SERINC5: variants seen among roughly 807,000 people sequenced by gnomAD.
SERINC5 encodes the protein chromosome 5 open reading frame 12.
In SERINC5, 41 loss-of-function variants were observed where a neutral mutation model predicts 63.1. The ratio of observed to expected loss-of-function variants is 0.65; its 90% CI spans 0.51 to 0.84. The LOEUF (loss-of-function observed/expected upper bound fraction) is 0.84, where lower values mean the gene tolerates loss of function less well. Among genes scored for constraint, SERINC5 ranks in the 40% least tolerant of loss-of-function variants. The probability of loss-of-function intolerance (pLI) is 0.00; values close to 1 mark genes in which losing one functional copy is unlikely to be tolerated. For missense variants in SERINC5, 523 were observed against 573.0 expected, an observed-to-expected ratio of 0.91 and a Z score of 0.89; for synonymous variants, 222 against 215.2, an observed-to-expected ratio of 1.03 and a Z score of -0.28.
At chr5:80,149,234 C>A (rs1291137391) in intron 9 of SERINC5, among the ~76,000 whole-genome samples, 1 of 152,200 alleles carries the variant, frequency 6.6e-6, no homozygotes, top group Non-Finnish European at 1.5e-5. Flanking sequence ...GAAACCATAA[C>A]CATGCAACCT....
At chr5:80,120,750 G>C (rs910529033) in intron 11 of SERINC5, among the ~76,000 whole-genome samples, 1 of 152,106 alleles carries the variant, frequency 6.6e-6, no homozygotes, top group African/African-American at 2.4e-5. Context: ...AGGAGGCAGA[G>C]GTTGCGTGAG....
rs189315942 is a variant in SERINC5, at chr5:80,166,079, C to A, written c.859+304G>T. The stretch of plus-strand genomic sequence containing the variant: ...ATCTAAAATGGGGTACCCATCCCCT[C>A]ATGCACTGATCTTTTGTGTTATACA... On this transcript the variant is annotated intron_variant, in intron 7 of 11. Coordinates refer to ENST00000507668, the MANE Select transcript of SERINC5 (RefSeq NM_001174072.3). Among the ~76,000 whole-genome samples the A allele has an allele frequency of 1.9e-3, 285 of 152,320 alleles. 1 individual carries two copies. The highest frequency in any genetic ancestry group is 3.0e-3 in the Non-Finnish European group (207 of 68,026).
intron 1 of SERINC5, among the ~76,000 whole-genome samples, chr5:80,205,421 C>A (rs1239713090): frequency 6.6e-6 from 1 of 152,204 alleles, no homozygotes; most frequent in Non-Finnish European, 1.5e-5. Context: ...TGTACAAGCA[C>A]CCAGGGTGCT....
At chr5:80,227,606 CA>C (rs74441331) in intron 1 of SERINC5, among the ~76,000 whole-genome samples, 73 of 102,622 alleles carry the variant, frequency 7.1e-4, no homozygotes, top group Admixed American at 8.7e-4. Flanking sequence ...ACTAAAAATA[CA>C]AAAAAAAAAA....
rs2112281790 is a variant in SERINC5, at chr5:80,140,331, A to C, written c.*3332T>G. The C allele has an allele frequency of 1.2e-6, 1 of 834,930 alleles. No homozygotes were observed. Among genetic ancestry groups the C allele is most frequent in the Non-Finnish European group, 1.4e-6 (1 of 702,910 alleles). 51.7% of individuals were successfully genotyped at this position (834,930 alleles called of 1,614,324 possible). A position where few individuals can be genotyped will look rare whatever the true frequency, so the allele number is the denominator to read the frequency against. On this transcript the variant is annotated 3_prime_UTR_variant, in exon 12 of 12. Coordinates refer to ENST00000507668, the MANE Select transcript of SERINC5 (RefSeq NM_001174072.3). Reference sequence around the variant, plus strand: ...AAAAAAAAAAAAAAAAAAAAAAAAAAAGGCTTAGGGTGACAATTTTGACAT... The same window carrying C: ...AAAAAAAAAAAAAAAAAAAAAAAAACAGGCTTAGGGTGACAATTTTGACAT...
intron 2 of SERINC5, chr5:80,198,617 C>A: frequency 6.1e-6 from 6 of 985,412 alleles, no homozygotes; most frequent in Non-Finnish European, 7.2e-6. Flanking sequence ...GGCACTTCCA[C>A]GGCCAACAAA....
intron 1 of SERINC5, among the ~76,000 whole-genome samples, chr5:80,246,134 A>C (rs1752161130): frequency 6.6e-6 from 1 of 152,192 alleles, no homozygotes; most frequent in Admixed American, 6.6e-5. Flanking sequence ...ATTGTTTCTG[A>C]GAATGGCAGT....
At chr5:80,248,770 A>C (rs911702440) in intron 1 of SERINC5, among the ~76,000 whole-genome samples, 1 of 152,224 alleles carries the variant, frequency 6.6e-6, no homozygotes, top group Non-Finnish European at 1.5e-5. Flanking sequence ...ACCATCATAC[A>C]GCAGGAAAAC....
chr5:80,238,660 G>A (rs1751816315), intron 1 of SERINC5, among the ~76,000 whole-genome samples: 1 of 151,828 alleles, frequency 6.6e-6, no homozygotes, highest in South Asian at 2.1e-4. Context: ...GCAGGCACCT[G>A]TAATCCCACT....
At chr5:80,206,830 T>TTTTG (rs1750189885) in intron 1 of SERINC5, among the ~76,000 whole-genome samples, 1 of 149,382 alleles carries the variant, frequency 6.7e-6, no homozygotes. Flanking sequence ...TTTTTTTTTT[T>TTTTG]AAGAGACAGA....
At chr5:80,149,065 C>T (rs1018608440) in intron 9 of SERINC5, among the ~76,000 whole-genome samples, 1 of 152,152 alleles carries the variant, frequency 6.6e-6, no homozygotes, top group East Asian at 1.9e-4. Flanking sequence ...TGAAATGTGA[C>T]GCAGGAGAGC....
intron 11 of SERINC5, among the ~76,000 whole-genome samples, chr5:80,124,412 G>A (rs1744662038): frequency 6.6e-6 from 1 of 152,218 alleles, no homozygotes. Context: ...CCAAACACAA[G>A]TGATGGTGGC....
chr5:80,161,185 T>G (rs1361451453), intron 7 of SERINC5, among the ~76,000 whole-genome samples: 5 of 152,060 alleles, frequency 3.3e-5, no homozygotes, highest in Non-Finnish European at 7.4e-5. Flanking sequence ...CTTTTTGATA[T>G]AATGATTTAT....
At chr5:80,171,336 C>A (rs747789622) in intron 5 of SERINC5, among the ~76,000 whole-genome samples, 19 of 152,036 alleles carry the variant, frequency 1.2e-4, no homozygotes, top group Non-Finnish European at 2.8e-4. Flanking sequence ...AATAAATAAA[C>A]TTTTAAAAAC....
chr5:80,141,198 G>A lies in SERINC5; in HGVS notation c.*2465C>T, dbSNP rs1561360324. 1 of 985,328 alleles carries A rather than the reference G, an allele frequency of 1.0e-6. No homozygotes were observed. The highest frequency in any genetic ancestry group is 1.2e-6 in the Non-Finnish European group (1 of 829,954). 61.0% of individuals were successfully genotyped at this position (985,328 alleles called of 1,614,324 possible). On this transcript the variant is annotated 3_prime_UTR_variant, in exon 12 of 12. Coordinates refer to ENST00000507668, the MANE Select transcript of SERINC5 (RefSeq NM_001174072.3). ...GATACACGTGCTAACATTTTCAGCTGAGAATAAAATTCAGAGCAACTGTAA... is the reference window on the plus strand; with the variant it reads ...GATACACGTGCTAACATTTTCAGCTAAGAATAAAATTCAGAGCAACTGTAA...
At chr5:80,124,385 C>T (rs1310873398) in intron 11 of SERINC5, among the ~76,000 whole-genome samples, 1 of 152,218 alleles carries the variant, frequency 6.6e-6, no homozygotes, top group Non-Finnish European at 1.5e-5. Flanking sequence ...ACACCTCTGC[C>T]TGCCTTTAAG....
At chr5:80,136,361 C>T (rs961736099), downstream of SERINC5, among the ~76,000 whole-genome samples, 17 of 152,150 alleles carry the variant, frequency 1.1e-4, no homozygotes, top group Non-Finnish European at 2.2e-4. Flanking sequence ...AAAGGAAGTG[C>T]GGTCCACAGC....
In SERINC5 at chr5:80,123,187, G is replaced by A. The variant is rs1273491678; in HGVS notation, c.1239-9562C>T. Reference sequence around the variant, plus strand: ...CATAGCCCATTGTAACCTCAAAATCGTGGGCTCAAGCAGTTCTCCCACCTC... The same window carrying A: ...CATAGCCCATTGTAACCTCAAAATCATGGGCTCAAGCAGTTCTCCCACCTC... On this transcript the variant is annotated intron_variant, in intron 11 of 12. Coordinates refer to the SERINC5 transcript ENST00000509193. 2.6e-5 allele frequency among the ~76,000 whole-genome samples: 4 copies of A among 152,126 alleles called. No homozygotes were observed. The South Asian group carries it at 6.2e-4, about 24-fold the overall frequency.
At chr5:80,201,074 G>A (rs1347171672) in intron 2 of SERINC5, among the ~76,000 whole-genome samples, 1 of 151,918 alleles carries the variant, frequency 6.6e-6, no homozygotes, top group African/African-American at 2.4e-5. Flanking sequence ...ACTCCAGCCT[G>A]GGCAACAGAG....
Sources: allele counts gnomAD v4.1 joint callset (sites outside exome capture counted in the v4.1 genomes callset), GRCh38; gene constraint gnomAD v4.1.1; transcripts MANE v1.5; gene names NCBI Gene and HGNC (gene_info 2026-07-23, HGNC 2026-07-21).